FAXC: variants seen among roughly 807,000 people sequenced by gnomAD.
The protein encoded by FAXC is failed axon connections homolog, metaxin like GST domain containing.
A neutral mutation model predicts 41.9 loss-of-function variants in FAXC; 10 were observed. The observed-to-expected ratio is 0.24, with a 90% CI of 0.15 to 0.41. The LOEUF is 0.41. Among genes scored for constraint, FAXC ranks in the 10% least tolerant of loss-of-function variants. The probability of loss-of-function intolerance (pLI) is 1.00; values close to 1 mark genes in which losing one functional copy is unlikely to be tolerated. For missense variants in FAXC, 399 were observed against 510.9 expected, an observed-to-expected ratio of 0.78 and a Z score of 2.11; for synonymous variants, 183 against 183.8, an observed-to-expected ratio of 1.00 and a Z score of 0.03.
chr6:99,317,219 C>T (rs570416192), intron 4 of FAXC, among the ~76,000 whole-genome samples: 4 of 152,008 alleles, frequency 2.6e-5, no homozygotes, highest in Non-Finnish European at 4.4e-5. Context: ...TTTACCACTT[C>T]GCTCTTTCAG....
chr6:99,273,801 A>G lies in FAXC; in HGVS notation c.*7363T>C, dbSNP rs536502540. 6.6e-5 allele frequency: 10 copies of G among 152,194 alleles called. No individual in the cohort carries two copies. The highest frequency in any genetic ancestry group is 2.2e-4 in the African/African-American group (9 of 41,510). The allele number at this position is 152,194 out of a possible 1,614,324, so 9.4% of individuals were successfully genotyped here. On this transcript the variant is annotated 3_prime_UTR_variant, in exon 6 of 6. Transcript: ENST00000389677. ...TAAACTCCATTGAGGACCAGAAAAT[A>G]TACTTTTAAAATGTCTATGTTTGCT...
intron 4 of FAXC, among the ~76,000 whole-genome samples, chr6:99,319,733 T>C (rs1248225692): frequency 6.6e-6 from 1 of 152,228 alleles, no homozygotes; most frequent in Non-Finnish European, 1.5e-5. Context: ...GTTTCTCCTA[T>C]TAGGATTGCT....
rs1483369992 is a variant in FAXC, at chr6:99,273,838, T to C, written c.*7326A>G. 2 of 152,144 alleles carry C rather than the reference T, an allele frequency of 1.3e-5. No homozygotes were observed. The highest frequency in any genetic ancestry group is 4.8e-5 in the African/African-American group (2 of 41,408). 9.4% of individuals were successfully genotyped at this position (152,144 alleles called of 1,614,324 possible). A position where few individuals can be genotyped will look rare whatever the true frequency, so the allele number is the denominator to read the frequency against. On this transcript the variant is annotated 3_prime_UTR_variant, in exon 6 of 6. Coordinates refer to ENST00000389677, the MANE Select transcript of FAXC (RefSeq NM_032511.4). ...TGTCTATGTTTGCTATGGTTTTTAATGTTTACATCAGTAAAACAGTATATA... is the reference window on the plus strand; with the variant it reads ...TGTCTATGTTTGCTATGGTTTTTAACGTTTACATCAGTAAAACAGTATATA...
At chr6:99,296,902 T>C (rs1164240811) in intron 4 of FAXC, among the ~76,000 whole-genome samples, 1 of 152,148 alleles carries the variant, frequency 6.6e-6, no homozygotes, top group African/African-American at 2.4e-5. Context: ...TGACCTCTCC[T>C]GGGTGGTTTA....
chr6:99,327,917 A>T (rs1456723502), intron 3 of FAXC, among the ~76,000 whole-genome samples: 1 of 152,202 alleles, frequency 6.6e-6, no homozygotes, highest in Non-Finnish European at 1.5e-5. Context: ...AACTACAAGG[A>T]ACATGGCCTC....
rs973495354 is a variant in FAXC, at chr6:99,271,547, A to G, written c.*9617T>C. 3 of 152,216 alleles carry G rather than the reference A, an allele frequency of 2.0e-5. No individual in the cohort carries two copies. The highest frequency in any genetic ancestry group is 7.2e-5 in the African/African-American group (3 of 41,446). 9.4% of individuals were successfully genotyped at this position (152,216 alleles called of 1,614,324 possible). On this transcript the variant is annotated 3_prime_UTR_variant, in exon 6 of 6. Transcript: ENST00000389677. The stretch of plus-strand genomic sequence containing the variant: ...GAGCACTAACATGACACTCAAAGGA[A>G]ACGGACATTGGATCATTTCAGATTT...
intron 5 of FAXC, 131 bp downstream of exon 5, chr6:99,291,573 T>C: frequency 1.4e-6 from 1 of 721,678 alleles, no homozygotes; most frequent in Non-Finnish European, 2.5e-6. Flanking sequence ...CCTAGCCCTG[T>C]ACACCATGCC....
intron 2 of FAXC, among the ~76,000 whole-genome samples, chr6:99,336,530 G>A (rs998919867): frequency 4.6e-5 from 7 of 152,200 alleles, no homozygotes; most frequent in African/African-American, 1.7e-4. Context: ...AGATAAAGAG[G>A]TAAATCCTCC....
chr6:99,288,847 G>GACACACACACACACACACACAC (rs11274408), intron 5 of FAXC, among the ~76,000 whole-genome samples: 13 of 69,480 alleles, frequency 1.9e-4, no homozygotes, highest in Non-Finnish European at 3.2e-4. Flanking sequence ...CACATGAATC[G>GACACACACACACACACACACAC]ACACACACAC....
chr6:99,349,260 AAGG>A lies in FAXC; in HGVS notation c.110_112del (p.Ser37del). ...AGGGAAAGCGATGATGTCCCCATAA[AAGG>A]AGAAGGGCTCCTCGGACCCGGCCCA... On this transcript the variant is annotated inframe_deletion, in exon 1 of 6. Coordinates refer to ENST00000389677, the MANE Select transcript of FAXC (RefSeq NM_032511.4). 3 of 1,613,790 alleles carry A rather than the reference AAGG, an allele frequency of 1.9e-6. No individual in the cohort carries two copies. Among genetic ancestry groups the A allele is most frequent in the Non-Finnish European group, 2.5e-6 (3 of 1,180,010 alleles).
At chr6:99,341,171 T>C (rs181622575) in intron 2 of FAXC, among the ~76,000 whole-genome samples, 2 of 149,802 alleles carry the variant, frequency 1.3e-5, no homozygotes, top group Admixed American at 1.3e-4. Context: ...ACAACAAAAA[T>C]ATAATTTGTT....
chr6:99,326,117 C>G (rs1472895065), intron 3 of FAXC, among the ~76,000 whole-genome samples: 1 of 152,192 alleles, frequency 6.6e-6, no homozygotes, highest in Non-Finnish European at 1.5e-5. Context: ...GGCCTGAGGA[C>G]AGGGAGCTGA....
rs772946756 is a variant in FAXC, at chr6:99,333,378, G to T, written c.572C>A (p.Thr191Asn). ...PHERAISRAV[T>N]KMVEEHFYWT... The stretch of plus-strand genomic sequence containing the variant: ...GTAGAAGTGCTCCTCCACCATCTTG[G>T]TCACCGCTCTGGAGATGGCTCTTTC... The change falls in exon 3 of 6, where the codon ACC (threonine) becomes AAC (asparagine). Residue 191 changes from threonine to asparagine, a missense_variant. Physicochemically the swap from Thr to Asn is moderately conservative, Grantham distance 65. Transcript: ENST00000389677. 2 of 1,613,376 alleles carry T rather than the reference G, an allele frequency of 1.2e-6. No homozygotes were observed. Among genetic ancestry groups the T allele is most frequent in the Non-Finnish European group, 1.7e-6 (2 of 1,179,790 alleles).
intron 4 of FAXC, among the ~76,000 whole-genome samples, chr6:99,304,201 G>A (rs950417692): frequency 2.0e-5 from 3 of 152,016 alleles, no homozygotes; most frequent in South Asian, 2.1e-4. Flanking sequence ...CAGGAGAATC[G>A]CTTGAATCCA....
intron 5 of FAXC, among the ~76,000 whole-genome samples, chr6:99,281,798 A>T (rs2128446359): frequency 6.6e-6 from 1 of 152,338 alleles, no homozygotes; most frequent in East Asian, 1.9e-4. Context: ...TCCCACCATG[A>T]TCCTGCATTT....
intron 4 of FAXC, among the ~76,000 whole-genome samples, chr6:99,293,664 CAGTGTGTGTGTGTG>C (rs1236436718): frequency 3.0e-5 from 3 of 101,054 alleles, no homozygotes; most frequent in African/African-American, 1.1e-4. Flanking sequence ...GCTCTATACA[CAGTGTGTGTGTGTG>C]TGTGTGTGTG....
intron 5 of FAXC, among the ~76,000 whole-genome samples, chr6:99,286,889 G>C: frequency 6.6e-6 from 1 of 152,098 alleles, no homozygotes; most frequent in South Asian, 2.1e-4. Context: ...GCAAAAATTG[G>C]AAGTACTTTC....
intron 4 of FAXC, among the ~76,000 whole-genome samples, chr6:99,299,003 A>G (rs1303787777): frequency 1.3e-5 from 2 of 152,098 alleles, no homozygotes; most frequent in Non-Finnish European, 2.9e-5. Context: ...ATGGTTCCTT[A>G]TACTGAAACA....
Position 99,301,338 on chromosome 6 carries a change from C to T in FAXC, c.824-9518G>A, listed in dbSNP as rs1032939482. 1.2e-4 allele frequency among the ~76,000 whole-genome samples: 19 copies of T among 152,212 alleles called. 1 individual carries two copies. The highest frequency in any genetic ancestry group is 3.9e-4 in the African/African-American group (16 of 41,436). On this transcript the variant is annotated intron_variant, in intron 4 of 5. Transcript: ENST00000389677. ...CTATCTTCTACTCTGTGGGAGACCA[C>T]GTTACTCCTCTACCGAATGTGCTTG...
Sources: gnomAD v4.1 joint callset for allele counts (sites outside exome capture counted in the v4.1 genomes callset) on GRCh38, gnomAD v4.1.1 for gene constraint, MANE v1.5 for transcripts, NCBI Gene and HGNC (gene_info 2026-07-23, HGNC 2026-07-21) for gene names.